RASA2: variants seen among roughly 807,000 people sequenced by gnomAD.
RASA2 encodes RAS p21 protein activator 2.
RASA2 carries 155 observed loss-of-function variants against 118.2 expected under a neutral mutation model. The observed-to-expected ratio is 1.31, with a 90% CI of 1.15 to 1.50. The LOEUF is 1.50. RASA2 is among the 40% of genes most tolerant of loss of function. RASA2 has a pLI of 0.00. For missense variants in RASA2, 1,016 were observed against 1,009.6 expected (o/e 1.01, Z -0.09); for synonymous variants, 353 against 349.1 (o/e 1.01, Z -0.12).
At chr3:141,589,582 C>T (rs545667894) in intron 19 of RASA2, among the ~76,000 whole-genome samples, 2 of 152,262 alleles carry the variant, frequency 1.3e-5, no homozygotes, top group Non-Finnish European at 2.9e-5. Flanking sequence ...GTGGCTCACA[C>T]CCGTGATCCC....
At position 141,487,066 on chromosome 3, in the gene RASA2, C is replaced by A; in HGVS notation, c.-18C>A. The A allele has an allele frequency of 8.0e-7, 1 of 1,256,266 alleles. No homozygotes were observed. Among genetic ancestry groups the A allele is most frequent in the South Asian group, 2.5e-5 (1 of 40,544 alleles). The allele number at this position is 1,256,266 out of a possible 1,614,324, so 77.8% of individuals were successfully genotyped here. A position where few individuals can be genotyped will look rare whatever the true frequency, so the allele number is the denominator to read the frequency against. ...GGCTACGCAGGCGGCAGGGCTGCGG[C>A]ACGGGCCGGGCGGCACCATGGCGGC... On this transcript the variant is annotated 5_prime_UTR_variant, in exon 1 of 24. Transcript: ENST00000286364.
In RASA2 at chr3:141,606,536, G is replaced by A. The variant is rs9862179; in HGVS notation, c.1934-1142G>A. Among the ~76,000 whole-genome samples, 1,471 of 152,158 alleles carry A rather than the reference G, an allele frequency of 9.7e-3. 11 individuals carry two copies. Among genetic ancestry groups the A allele is most frequent in the South Asian group, 0.021 (103 of 4,810 alleles). ...AGGAGCCTTATATGATCTATTTACAGCTATATCATAAGTGGTTAGAACAGT... is the reference window on the plus strand; with the variant it reads ...AGGAGCCTTATATGATCTATTTACAACTATATCATAAGTGGTTAGAACAGT... On this transcript the variant is annotated intron_variant, in intron 19 of 23. Coordinates refer to ENST00000286364, the MANE Select transcript of RASA2 (RefSeq NM_006506.5).
At chr3:141,510,406 A>C (rs2081933754) in intron 1 of RASA2, among the ~76,000 whole-genome samples, 1 of 151,920 alleles carries the variant, frequency 6.6e-6, no homozygotes, top group Non-Finnish European at 1.5e-5. Flanking sequence ...AGGTTATTTA[A>C]TATTCCTTCA....
intron 9 of RASA2, among the ~76,000 whole-genome samples, chr3:141,562,087 G>C (rs1369288694): frequency 2.0e-5 from 3 of 151,632 alleles, no homozygotes; most frequent in African/African-American, 7.3e-5. Flanking sequence ...CAAGTAGCTG[G>C]GACTTCAGGC....
At chr3:141,498,962 A>T (rs893741715) in intron 1 of RASA2, among the ~76,000 whole-genome samples, 2 of 152,136 alleles carry the variant, frequency 1.3e-5, no homozygotes, top group African/African-American at 4.8e-5. Context: ...CACACATTCA[A>T]AACTGAAACC....
intron 5 of RASA2, among the ~76,000 whole-genome samples, chr3:141,549,514 T>TGTGTGTGTGTGTG (rs1553790657): frequency 6.6e-6 from 1 of 151,386 alleles, no homozygotes; most frequent in African/African-American, 2.4e-5. Context: ...TGTGTGTGTG[T>TGTGTGTGTGTGTG]TTGCAATTCT....
At chr3:141,498,111 T>C (rs906766641) in intron 1 of RASA2, among the ~76,000 whole-genome samples, 1 of 152,320 alleles carries the variant, frequency 6.6e-6, no homozygotes, top group Non-Finnish European at 1.5e-5. Context: ...GGTGAACTAA[T>C]GTTTATTGAG....
chr3:141,520,011 C>CTTTTTTTTTTTTTTTTT (rs559634060), intron 3 of RASA2, among the ~76,000 whole-genome samples: 1 of 109,790 alleles, frequency 9.1e-6, no homozygotes, highest in Non-Finnish European at 1.8e-5. Flanking sequence ...TTCTTTTTCT[C>CTTTTTTTTTTTTTTTTT]TTTTTTTTTT....
At position 141,502,937 on chromosome 3, in the gene RASA2, T is replaced by C. The variant is rs534189388; in HGVS notation, c.134-9226T>C. 2.0e-5 allele frequency among the ~76,000 whole-genome samples: 3 copies of C among 152,304 alleles called. No homozygotes were observed. In the East Asian group the frequency reaches 5.8e-4, roughly 29 times the overall value. ...GGAATAGTTTCTCAGCACAGCTGTA[T>C]TCAGAAAGACCTTAAGAGTTGAATA... On this transcript the variant is annotated intron_variant, in intron 1 of 23. Coordinates refer to ENST00000286364, the MANE Select transcript of RASA2 (RefSeq NM_006506.5).
rs749494702 is a variant in RASA2, at chr3:141,573,237, A to G, written c.1359+16A>G. On this transcript the variant is annotated intron_variant, in intron 13 of 23. Coordinates refer to ENST00000286364, the MANE Select transcript of RASA2 (RefSeq NM_006506.5). ...AAATAATAAGGTAAGTCCTTGTTAT[A>G]TTATTTATAATTGCATTAAAATTGG... 3.9e-6 allele frequency: 6 copies of G among 1,530,246 alleles called. No homozygotes were observed. The highest frequency in any genetic ancestry group is 5.2e-6 in the Non-Finnish European group (6 of 1,148,374). The allele number at this position is 1,530,246 out of a possible 1,614,324, so 94.8% of individuals were successfully genotyped here. A position where few individuals can be genotyped will look rare whatever the true frequency, so the allele number is the denominator to read the frequency against.
intron 21 of RASA2, 117 bp from the exon 22 acceptor site, chr3:141,609,303 A>C (rs2083599127): frequency 1.8e-6 from 1 of 568,946 alleles, no homozygotes; most frequent in Non-Finnish European, 2.8e-6. Context: ...CTAAATTTCC[A>C]GACTTCCTTC....
In RASA2 at chr3:141,590,807, G is replaced by T. The variant is rs1360682171; in HGVS notation, c.1933+4055G>T. Among the ~76,000 whole-genome samples the T allele has an allele frequency of 1.1e-4, 16 of 152,144 alleles. 1 individual carries two copies. The highest frequency in any genetic ancestry group is 9.2e-4 in the Admixed American group (14 of 15,278). ...TCTGTCACTTAGTGTCAAATAATAT[G>T]CATAGTCTTTTCCCAATTTACTGGA... On this transcript the variant is annotated intron_variant, in intron 19 of 23. Transcript: ENST00000286364.
At chr3:141,572,840 G>A in intron 12 of RASA2, 117 bp downstream of exon 12, 1 of 810,408 alleles carries the variant, frequency 1.2e-6, no homozygotes, top group Non-Finnish European at 1.9e-6. Flanking sequence ...AAAATAGACT[G>A]AACACTTTAG....
intron 1 of RASA2, among the ~76,000 whole-genome samples, chr3:141,507,954 G>A (rs2151077324): frequency 6.6e-6 from 1 of 152,272 alleles, no homozygotes; most frequent in Admixed American, 6.5e-5. Context: ...AAATGGATGT[G>A]AACAGTAATC....
intron 19 of RASA2, among the ~76,000 whole-genome samples, chr3:141,597,113 A>C (rs1423353736): frequency 2.6e-5 from 4 of 152,198 alleles, no homozygotes; most frequent in Admixed American, 2.0e-4. Context: ...CACTATTAGC[A>C]ATACAGGCTG....
At chr3:141,501,335 T>G (rs775771880) in intron 1 of RASA2, among the ~76,000 whole-genome samples, 3 of 152,194 alleles carry the variant, frequency 2.0e-5, no homozygotes, top group Non-Finnish European at 4.4e-5. Flanking sequence ...TTATTTTTGG[T>G]CAGGAGCTAA....
Position 141,512,200 on chromosome 3 carries a change from C to A in RASA2, c.171C>A (p.His57Gln). ...ATTTATTGCCATATCTTGGACCCCA[C>A]AAAATGAGAGATTGTTTCTGTACCA... ...AKNLLPYLGPHKMRDCFCTIN... is the reference protein window; with the variant it reads ...AKNLLPYLGPQKMRDCFCTIN... Residue 57 changes from histidine to glutamine, a missense_variant, in exon 2 of 24, where the codon CAC becomes CAA. Physicochemically the swap from His to Gln is conservative, Grantham distance 24. This residue lies in a region of RASA2 where 896 missense variants were observed against 836.4 expected (regional missense o/e 1.07). Coordinates refer to ENST00000286364, the MANE Select transcript of RASA2 (RefSeq NM_006506.5). The A allele has an allele frequency of 6.2e-7, 1 of 1,605,572 alleles. No individual in the cohort carries two copies. Among genetic ancestry groups the A allele is most frequent in the Non-Finnish European group, 8.5e-7 (1 of 1,177,716 alleles).
chr3:141,542,752 A>G (rs2082423126), intron 5 of RASA2, among the ~76,000 whole-genome samples: 1 of 152,094 alleles, frequency 6.6e-6, no homozygotes, highest in Admixed American at 6.5e-5. Context: ...CACCATAAAG[A>G]TATCTCTCAT....
chr3:141,502,729 A>G (rs564902114), intron 1 of RASA2, among the ~76,000 whole-genome samples: 84 of 152,328 alleles, frequency 5.5e-4, no homozygotes, highest in Admixed American at 2.0e-3. Flanking sequence ...AGTGGTAGCT[A>G]TTATTATGAT....
Sources: gnomAD v4.1 joint callset for allele counts (sites outside exome capture counted in the v4.1 genomes callset) on GRCh38, gnomAD v4.1.1 for gene constraint, gnomAD v4.1.1 regional missense constraint, MANE v1.5 for transcripts, NCBI Gene and HGNC (gene_info 2026-07-23, HGNC 2026-07-21) for gene names.